Variants in ELMO1 observed in about 807,000 individuals in gnomAD.
ELMO1 encodes the protein engulfment and cell motility protein 1.
Under a neutral mutation model 98.9 loss-of-function variants are expected in ELMO1, and 26 were observed. The observed-to-expected ratio is 0.26, with a 90% CI of 0.19 to 0.36. ELMO1 has a LOEUF of 0.36. Among genes scored for constraint, ELMO1 ranks in the 10% least tolerant of loss-of-function variants. The pLI is 1.00. For missense variants in ELMO1, 627 were observed against 935.2 expected, an observed-to-expected ratio of 0.67 and a Z score of 4.30; for synonymous variants, 346 against 346.0, an observed-to-expected ratio of 1.00 and a Z score of 0.00.
Position 36,998,933 on chromosome 7 carries a change from A to C in ELMO1, c.1437+14366T>G, listed in dbSNP as rs569237836. On this transcript the variant is annotated intron_variant, in intron 16 of 21. Transcript: ENST00000310758. ...GAATAGGGGGTTGAGAAAATCATTT[A>C]TTTATTATTAAGAATGTGGGAGATT... Among the ~76,000 whole-genome samples the C allele has an allele frequency of 4.6e-5, 7 of 152,222 alleles. No homozygotes were observed. In the East Asian group the frequency reaches 1.4e-3, roughly 29 times the overall value.
chr7:37,293,206 G>A (rs567288797), intron 4 of ELMO1, among the ~76,000 whole-genome samples: 3,280 of 123,774 alleles, frequency 0.026, 253 homozygotes, highest in African/African-American at 0.085. Flanking sequence ...CCACCACCCC[G>A]TCTGGGAGGT....
At chr7:37,152,524 T>A (rs972972842) in intron 13 of ELMO1, among the ~76,000 whole-genome samples, 1 of 152,076 alleles carries the variant, frequency 6.6e-6, no homozygotes, top group African/African-American at 2.4e-5. Flanking sequence ...TGTGATCCCG[T>A]TTTTGTACAG....
intron 13 of ELMO1, among the ~76,000 whole-genome samples, chr7:37,151,243 C>G (rs1563037173): frequency 1.3e-5 from 2 of 152,212 alleles, no homozygotes; most frequent in South Asian, 2.1e-4. Context: ...CCTTTCCTGC[C>G]AGGGAATAGC....
chr7:37,084,876 C>G (rs779932151), intron 15 of ELMO1, among the ~76,000 whole-genome samples: 3 of 152,034 alleles, frequency 2.0e-5, no homozygotes, highest in Non-Finnish European at 4.4e-5. Flanking sequence ...CCAGCCTCAG[C>G]CTCCCATGTA....
intron 16 of ELMO1, among the ~76,000 whole-genome samples, chr7:36,895,531 A>T (rs1271310299): frequency 6.6e-6 from 1 of 152,220 alleles, no homozygotes; most frequent in East Asian, 1.9e-4. Flanking sequence ...TTGAGTGTTC[A>T]TACTAATTAC....
intron 15 of ELMO1, among the ~76,000 whole-genome samples, chr7:37,054,451 C>A (rs190477032): frequency 6.6e-6 from 1 of 152,030 alleles, no homozygotes; most frequent in Admixed American, 6.6e-5. Flanking sequence ...AGCATAAGAA[C>A]GGCACTGCAA....
chr7:37,216,613 C>G lies in ELMO1; in HGVS notation c.831+32G>C, dbSNP rs780595435. 22 of 1,613,252 alleles carry G rather than the reference C, an allele frequency of 1.4e-5. 1 individual carries two copies. In the South Asian group the frequency reaches 2.4e-4, roughly 18 times the overall value. On this transcript the variant is annotated intron_variant, in intron 11 of 21. Transcript: ENST00000310758. ...ACAAATGCACCAGGCCACTCCTCCC[C>G]CACAAAGAGGTCACAGCGCATAGGT...
intron 16 of ELMO1, among the ~76,000 whole-genome samples, chr7:36,989,413 G>A (rs1791723284): frequency 6.6e-6 from 1 of 152,156 alleles, no homozygotes; most frequent in African/African-American, 2.4e-5. Context: ...TCCCCAATCA[G>A]AATTTCAGGG....
At position 36,854,185 on chromosome 7, in the gene ELMO1, C is replaced by A. The variant is rs1467756601; in HGVS notation, c.*1366G>T. On this transcript the variant is annotated 3_prime_UTR_variant, in exon 22 of 22. Transcript: ENST00000310758. ...ATGCTCAGAGCCTATGGTGACCTAG[C>A]AATGGTGGAGGGTTTCCCACAGCAG... Among the ~76,000 whole-genome samples, 3 of 151,968 alleles carry A rather than the reference C, an allele frequency of 2.0e-5. No homozygotes were observed. The highest frequency in any genetic ancestry group is 2.9e-5 in the Non-Finnish European group (2 of 68,022).
In ELMO1 at chr7:37,005,119, A is replaced by G. The variant is rs566906534; in HGVS notation, c.1437+8180T>C. Reference sequence around the variant, plus strand: ...CAAGGCTCTGTCTCAAAAAAAAAAAAAAAAAAAAAAAAAGAAAAAAAGAAA... The same window carrying G: ...CAAGGCTCTGTCTCAAAAAAAAAAAGAAAAAAAAAAAAAGAAAAAAAGAAA... On this transcript the variant is annotated intron_variant, in intron 16 of 21. Transcript: ENST00000310758. Among the ~76,000 whole-genome samples the G allele has an allele frequency of 6.6e-3, 993 of 150,074 alleles. 9 individuals carry two copies. Among genetic ancestry groups the G allele is most frequent in the African/African-American group, 0.023 (926 of 40,318 alleles).
intron 4 of ELMO1, among the ~76,000 whole-genome samples, chr7:37,309,220 A>G (rs780993119): frequency 1.3e-4 from 20 of 152,208 alleles, no homozygotes; most frequent in Non-Finnish European, 2.4e-4. Context: ...ATGGCAGCAG[A>G]CAAGAGAGGG....
chr7:37,425,550 G>A (rs1193882764), intron 1 of ELMO1, among the ~76,000 whole-genome samples: 1 of 152,228 alleles, frequency 6.6e-6, no homozygotes, highest in Non-Finnish European at 1.5e-5. Context: ...CTTGGCACAT[G>A]GGAGGCACTG....
chr7:37,005,687 T>G (rs1584504498), intron 16 of ELMO1, among the ~76,000 whole-genome samples: 1 of 118,234 alleles, frequency 8.5e-6, no homozygotes, highest in African/African-American at 3.7e-5. Context: ...AGCGAGACTC[T>G]GTCTCAAAAA....
intron 1 of ELMO1, among the ~76,000 whole-genome samples, chr7:37,402,626 A>G (rs1008605437): frequency 1.3e-5 from 2 of 152,180 alleles, no homozygotes; most frequent in African/African-American, 4.8e-5. Context: ...GTCTTGAGCT[A>G]TTTAATGAAT....
intron 14 of ELMO1, 142 bp from the exon 15 acceptor site, chr7:37,096,869 C>T (rs904453016): frequency 9.2e-6 from 7 of 759,676 alleles, no homozygotes; most frequent in Admixed American, 2.3e-5. Context: ...CAAAATAGTA[C>T]TCCAAGTATA....
chr7:36,865,179 C>T (rs1802941130), intron 20 of ELMO1, among the ~76,000 whole-genome samples: 1 of 152,212 alleles, frequency 6.6e-6, no homozygotes, highest in Non-Finnish European at 1.5e-5. Context: ...TAACTCACCA[C>T]ATATGGCCAT....
chr7:36,914,649 G>A (rs1784565009), intron 16 of ELMO1, among the ~76,000 whole-genome samples: 1 of 152,054 alleles, frequency 6.6e-6, no homozygotes, highest in Non-Finnish European at 1.5e-5. Context: ...GAGCAGCTGG[G>A]ACTACAGGTG....
chr7:37,148,586 TA>T (rs1416952479), intron 13 of ELMO1, among the ~76,000 whole-genome samples: 3 of 152,314 alleles, frequency 2.0e-5, no homozygotes, highest in East Asian at 3.9e-4. Context: ...AAAACTCAAT[TA>T]AAAAATGCTT....
intron 15 of ELMO1, among the ~76,000 whole-genome samples, chr7:37,061,673 G>A (rs1164230589): frequency 6.6e-6 from 1 of 152,148 alleles, no homozygotes; most frequent in Non-Finnish European, 1.5e-5. Flanking sequence ...GGTACCCTAA[G>A]GAGACTATGC....
Sources: allele counts gnomAD v4.1 joint callset (sites outside exome capture counted in the v4.1 genomes callset), GRCh38; gene constraint gnomAD v4.1.1; transcripts MANE v1.5; gene names NCBI Gene and HGNC (gene_info 2026-07-23, HGNC 2026-07-21).